Variants in PTK2 observed in about 807,000 individuals in gnomAD.
PTK2 encodes protein tyrosine kinase 2, also known as focal adhesion kinase 1.
PTK2 carries 45 observed loss-of-function variants against 150.1 expected under a neutral mutation model. That is an observed-to-expected ratio of 0.30 (90% CI 0.24 to 0.38). The LOEUF (loss-of-function observed/expected upper bound fraction) is 0.38, where lower values mean the gene tolerates loss of function less well. Among genes scored for constraint, PTK2 ranks in the 10% least tolerant of loss-of-function variants. The pLI, the probability that PTK2 is intolerant of heterozygous loss-of-function variation, is 1.00. For synonymous variants in PTK2, 432 were observed against 449.2 expected (o/e 0.96, Z 0.48); for missense variants, 919 against 1,307.3 (o/e 0.70, Z 4.58).
intron 2 of PTK2, among the ~76,000 whole-genome samples, chr8:140,899,292 A>G (rs1213062590): frequency 6.6e-6 from 1 of 152,214 alleles, no homozygotes; most frequent in Non-Finnish European, 1.5e-5. Flanking sequence ...ATAAACCAAA[A>G]AGAGTTGACC....
At chr8:140,830,215 G>A (rs1459285712) in intron 8 of PTK2, among the ~76,000 whole-genome samples, 2 of 152,116 alleles carry the variant, frequency 1.3e-5, no homozygotes, top group Admixed American at 1.3e-4. Flanking sequence ...GAATAACTGT[G>A]CACATAACTT....
chr8:140,844,171 C>T (rs910812668), intron 7 of PTK2, among the ~76,000 whole-genome samples: 2 of 152,194 alleles, frequency 1.3e-5, no homozygotes, highest in Non-Finnish European at 2.9e-5. Flanking sequence ...CAACACATTA[C>T]ATTATGGTTG....
intron 22 of PTK2, among the ~76,000 whole-genome samples, chr8:140,725,373 AG>A: frequency 6.7e-6 from 1 of 148,252 alleles, no homozygotes; most frequent in East Asian, 2.0e-4. Flanking sequence ...TCTTGCAGAC[AG>A]GAACTGTATA....
chr8:140,892,901 G>C (rs1399188962), intron 2 of PTK2, among the ~76,000 whole-genome samples: 1 of 152,206 alleles, frequency 6.6e-6, no homozygotes, highest in Non-Finnish European at 1.5e-5. Context: ...TGCTGGAAGA[G>C]TATAAAATGG....
intron 26 of PTK2, among the ~76,000 whole-genome samples, chr8:140,695,784 G>A (rs2100026180): frequency 6.6e-6 from 1 of 152,062 alleles, no homozygotes; most frequent in Non-Finnish European, 1.5e-5. Flanking sequence ...GTGACCTTGG[G>A]ACCACGTCTC....
intron 8 of PTK2, among the ~76,000 whole-genome samples, chr8:140,825,348 T>C (rs902913164): frequency 2.6e-5 from 4 of 152,116 alleles, no homozygotes; most frequent in African/African-American, 9.7e-5. Context: ...TTGGTGAAAA[T>C]ATTAAGCTTA....
At chr8:140,937,585 T>TAAAAA (rs35149796) in intron 1 of PTK2, among the ~76,000 whole-genome samples, 1 of 130,152 alleles carries the variant, frequency 7.7e-6, no homozygotes, top group Non-Finnish European at 1.6e-5. Flanking sequence ...AAGTAAACAA[T>TAAAAA]AAAAAAAAAA....
intron 2 of PTK2, among the ~76,000 whole-genome samples, chr8:140,892,440 G>C (rs931780873): frequency 6.6e-6 from 1 of 152,128 alleles, no homozygotes; most frequent in Non-Finnish European, 1.5e-5. Context: ...GGAGGCTGAG[G>C]GGGGAGGATC....
chr8:140,707,890 C>T (rs984428380), intron 23 of PTK2, among the ~76,000 whole-genome samples: 3 of 152,188 alleles, frequency 2.0e-5, no homozygotes, highest in African/African-American at 7.2e-5. Flanking sequence ...GACTACTTCC[C>T]GGTTGCGTGA....
intron 8 of PTK2, chr8:140,820,793 G>A (rs1461212282): frequency 6.6e-6 from 1 of 152,314 alleles, no homozygotes; most frequent in Admixed American, 6.5e-5. Context: ...AGGGCCCAGT[G>A]GAGTTCAAGG....
intron 10 of PTK2, among the ~76,000 whole-genome samples, chr8:140,804,231 T>C (rs999954244): frequency 6.6e-6 from 1 of 151,262 alleles, no homozygotes. Flanking sequence ...GCTTCTTCTT[T>C]TTTTTTTTCT....
intron 4 of PTK2, among the ~76,000 whole-genome samples, chr8:140,871,764 A>G (rs1251982042): frequency 6.6e-6 from 1 of 152,192 alleles, no homozygotes; most frequent in African/African-American, 2.4e-5. Flanking sequence ...CTCTAGTCCT[A>G]GGTAACTGGG....
chr8:140,789,980 G>C (rs1179913577), intron 13 of PTK2, among the ~76,000 whole-genome samples: 2 of 151,970 alleles, frequency 1.3e-5, no homozygotes, highest in African/African-American at 4.8e-5. Flanking sequence ...AAATTATCAA[G>C]CAATACATTA....
intron 1 of PTK2, among the ~76,000 whole-genome samples, chr8:140,938,135 G>C (rs984415869): frequency 1.3e-5 from 2 of 152,094 alleles, no homozygotes; most frequent in African/African-American, 4.8e-5. Flanking sequence ...AAAGAGAGAC[G>C]ATGCAAATAG....
At position 140,665,062 on chromosome 8, in the gene PTK2, T is replaced by C. The variant is rs114602322; in HGVS notation, c.2866-65A>G. On this transcript the variant is annotated intron_variant, in intron 30 of 31. Transcript: ENST00000522684. ...AAAGGATTTTTATGCTTTTCAGTTA[T>C]ATATTTTTTTATTTCCTTTCCACAA... The C allele has an allele frequency of 5.9e-4, 827 of 1,399,758 alleles. 3 individuals carry two copies. In the African/African-American group the frequency reaches 7.8e-3, roughly 13 times the overall value. The allele number at this position is 1,399,758 out of a possible 1,614,324, so 86.7% of individuals were successfully genotyped here.
intron 16 of PTK2, among the ~76,000 whole-genome samples, chr8:140,758,031 T>C (rs2100066894): frequency 6.6e-6 from 1 of 152,138 alleles, no homozygotes; most frequent in South Asian, 2.1e-4. Context: ...GTATTTACTA[T>C]ACTTTGTTTT....
At chr8:140,855,876 G>A (rs568116282) in intron 5 of PTK2, among the ~76,000 whole-genome samples, 1 of 152,218 alleles carries the variant, frequency 6.6e-6, no homozygotes, top group African/African-American at 2.4e-5. Flanking sequence ...TATTATGAAT[G>A]TATGTAGCAC....
chr8:140,874,403 G>A (rs989304851), intron 4 of PTK2, among the ~76,000 whole-genome samples: 13 of 152,104 alleles, frequency 8.5e-5, no homozygotes, highest in Non-Finnish European at 7.3e-5. Flanking sequence ...ACTTTCATTT[G>A]ACTAGAGATC....
chr8:140,689,681 A>G (rs1408627961), intron 26 of PTK2, among the ~76,000 whole-genome samples: 1 of 152,260 alleles, frequency 6.6e-6, no homozygotes, highest in African/African-American at 2.4e-5. Context: ...CAAATGGTTC[A>G]GAAAAAATGG....
Sources: gnomAD v4.1 joint callset for allele counts (sites outside exome capture counted in the v4.1 genomes callset) on GRCh38, gnomAD v4.1.1 for gene constraint, MANE v1.5 for transcripts, NCBI Gene and HGNC (gene_info 2026-07-23, HGNC 2026-07-21) for gene names.